The following DCDC2 variants were observed in gnomAD, a reference collection of about 807,000 sequenced individuals.
DCDC2 encodes the protein doublecortin domain containing 2, also known as doublecortin domain-containing protein 2.
In DCDC2, 40 loss-of-function variants were observed where a neutral mutation model predicts 50.2. The ratio of observed to expected loss-of-function variants is 0.80; its 90% CI spans 0.62 to 1.04. The LOEUF is 1.04. Among genes scored for constraint, DCDC2 ranks in the 50% least tolerant of loss-of-function variants. The pLI, the probability that DCDC2 is intolerant of heterozygous loss-of-function variation, is 0.00. For synonymous variants in DCDC2, 234 were observed against 210.6 expected, an observed-to-expected ratio of 1.11 and a Z score of -0.96; for missense variants, 570 against 581.9, an observed-to-expected ratio of 0.98 and a Z score of 0.21.
chr6:24,285,608 AC>A (rs1304537228), intron 6 of DCDC2, among the ~76,000 whole-genome samples: 1 of 152,200 alleles, frequency 6.6e-6, no homozygotes, highest in African/African-American at 2.4e-5. Flanking sequence ...TGATGTGATG[AC>A]ATTGATGTAT....
chr6:24,182,015 T>C (rs940305845), intron 8 of DCDC2, among the ~76,000 whole-genome samples: 2 of 152,160 alleles, frequency 1.3e-5, no homozygotes, highest in Admixed American at 6.5e-5. Context: ...AACCTTCACA[T>C]ATACGGTCAA....
chr6:24,299,143 A>G (rs1759320582), intron 4 of DCDC2, among the ~76,000 whole-genome samples: 1 of 152,196 alleles, frequency 6.6e-6, no homozygotes, highest in African/African-American at 2.4e-5. Context: ...TACACCATGG[A>G]ATACTACGCA....
intron 2 of DCDC2, among the ~76,000 whole-genome samples, chr6:24,330,076 T>C (rs559485493): frequency 6.6e-6 from 1 of 152,254 alleles, no homozygotes; most frequent in African/African-American, 2.4e-5. Context: ...TACTGTAGAA[T>C]TATTATTATT....
intron 1 of DCDC2, among the ~76,000 whole-genome samples, chr6:24,356,242 T>G (rs1760464763): frequency 6.6e-6 from 1 of 152,184 alleles, no homozygotes; most frequent in Non-Finnish European, 1.5e-5. Flanking sequence ...AAGAATGAAG[T>G]ATTGATGTAT....
At chr6:24,283,579 G>T (rs564053543) in intron 6 of DCDC2, among the ~76,000 whole-genome samples, 1 of 152,048 alleles carries the variant, frequency 6.6e-6, no homozygotes, top group South Asian at 2.1e-4. Context: ...ATGAATTTAG[G>T]GTGCTTTCCC....
At chr6:24,242,249 A>C (rs1213921388) in intron 7 of DCDC2, among the ~76,000 whole-genome samples, 1 of 152,158 alleles carries the variant, frequency 6.6e-6, no homozygotes. Flanking sequence ...GCATTATCTA[A>C]GAAGTAAAAT....
chr6:24,245,240 T>C (rs1369036377), intron 7 of DCDC2, among the ~76,000 whole-genome samples: 2 of 152,118 alleles, frequency 1.3e-5, no homozygotes, highest in Admixed American at 1.3e-4. Context: ...GCAATCTCAG[T>C]GCTTCAAGAG....
intron 4 of DCDC2, among the ~76,000 whole-genome samples, chr6:24,297,252 A>T (rs1177529790): frequency 1.3e-5 from 2 of 151,050 alleles, no homozygotes; most frequent in Non-Finnish European, 2.9e-5. Context: ...TACAAGGGGG[A>T]GATAAATGAG....
At chr6:24,330,657 C>G (rs1759949403) in intron 2 of DCDC2, among the ~76,000 whole-genome samples, 1 of 152,184 alleles carries the variant, frequency 6.6e-6, no homozygotes, top group South Asian at 2.1e-4. Flanking sequence ...TATGTTCACA[C>G]AGGATCCCAC....
At chr6:24,370,279 C>G in the DCDC2 span, among the ~76,000 whole-genome samples, 1 of 152,100 alleles carries the variant, frequency 6.6e-6, no homozygotes, top group Non-Finnish European at 1.5e-5. Context: ...AATTTGAACC[C>G]TCATACATTA....
In DCDC2 at chr6:24,326,427, CA is replaced by C. The variant is rs539507276; in HGVS notation, c.349-24384del. On this transcript the variant is annotated intron_variant, in intron 2 of 9. Transcript: ENST00000378454. The stretch of plus-strand genomic sequence containing the variant: ...AATTTAAAATTTACTATAGATGATC[CA>C]TAAAATTAAAAATCATACAAAGCAT... Among the ~76,000 whole-genome samples the C allele has an allele frequency of 4.1e-5, 6 of 145,584 alleles. 1 individual carries two copies. In the South Asian group the frequency reaches 1.5e-3, roughly 36 times the overall value.
intron 6 of DCDC2, among the ~76,000 whole-genome samples, chr6:24,287,344 G>A (rs1763636595): frequency 8.2e-6 from 1 of 122,508 alleles, no homozygotes; most frequent in African/African-American, 3.1e-5. Context: ...GTATTGTATT[G>A]TATTTTATGT....
At chr6:24,240,565 ATTAT>A (rs1271841458) in intron 7 of DCDC2, among the ~76,000 whole-genome samples, 6 of 152,320 alleles carry the variant, frequency 3.9e-5, no homozygotes, top group Admixed American at 1.3e-4. Flanking sequence ...CATTAATGTT[ATTAT>A]TTTGATTACT....
chr6:24,359,170 T>TA (rs1760584261), upstream of DCDC2, among the ~76,000 whole-genome samples: 2 of 74,294 alleles, frequency 2.7e-5, no homozygotes, highest in Non-Finnish European at 4.4e-5. Context: ...TTATATATTT[T>TA]ATATATATTT....
At chr6:24,375,337 A>G in the DCDC2 span, among the ~76,000 whole-genome samples, 56 of 152,218 alleles carry the variant, frequency 3.7e-4, no homozygotes, top group South Asian at 0.011. Flanking sequence ...CGGGTCACTC[A>G]TATGGGGTGC....
chr6:24,303,175 A>G (rs1447560596), intron 2 of DCDC2, among the ~76,000 whole-genome samples: 2 of 151,684 alleles, frequency 1.3e-5, no homozygotes, highest in African/African-American at 4.8e-5. Context: ...TACAGCTGCC[A>G]TCTCTCTCTT....
chr6:24,172,822 CTG>C lies in DCDC2; in HGVS notation c.*1906_*1907del, dbSNP rs1385835002. ...CAGCCTGGCCAACATGGTGAAACAT[CTG>C]TCTCTACAAAAAATACAAAAATTAG... On this transcript the variant is annotated 3_prime_UTR_variant, in exon 10 of 10. Transcript: ENST00000378454. The C allele has an allele frequency of 6.6e-6, 1 of 152,054 alleles. No individual in the cohort carries two copies. The highest frequency in any genetic ancestry group is 2.4e-5 in the African/African-American group (1 of 41,472). The allele number at this position is 152,054 out of a possible 1,614,324, so 9.4% of individuals were successfully genotyped here.
At chr6:24,178,705 T>A in intron 8 of DCDC2, 73 bp from the exon 9 acceptor site, 1 of 1,379,420 alleles carries the variant, frequency 7.2e-7, no homozygotes, top group Non-Finnish European at 9.9e-7. Flanking sequence ...ATCATAGTAA[T>A]GTAATACTTA....
At chr6:24,304,130 A>C (rs565230168) in intron 2 of DCDC2, among the ~76,000 whole-genome samples, 29 of 152,340 alleles carry the variant, frequency 1.9e-4, no homozygotes, top group African/African-American at 6.7e-4. Flanking sequence ...TTAAGCACAC[A>C]GGTTCTTAGC....
Sources: gnomAD v4.1 joint callset for allele counts (sites outside exome capture counted in the v4.1 genomes callset) on GRCh38, gnomAD v4.1.1 for gene constraint, MANE v1.5 for transcripts, NCBI Gene and HGNC (gene_info 2026-07-23, HGNC 2026-07-21) for gene names.